The following NUP210 variants were observed in gnomAD, a reference collection of about 807,000 sequenced individuals.
NUP210 encodes nucleoporin 210.
In NUP210, 151 loss-of-function variants were observed where a neutral mutation model predicts 196.0. That is an observed-to-expected ratio of 0.77 (90% confidence interval 0.67 to 0.88). The LOEUF is 0.88. Among genes scored for constraint, NUP210 ranks in the 40% least tolerant of loss-of-function variants. The pLI, the probability that NUP210 is intolerant of heterozygous loss-of-function variation, is 0.00. For missense variants in NUP210, 2,314 were observed against 2,493.7 expected (o/e 0.93, Z 1.53); for synonymous variants, 1,070 against 1,052.7 (o/e 1.02, Z -0.32).
At chr3:13,334,758 G>A (rs961722436) in intron 28 of NUP210, among the ~76,000 whole-genome samples, 9 of 152,128 alleles carry the variant, frequency 5.9e-5, no homozygotes, top group East Asian at 1.9e-4. Flanking sequence ...GCAGGAACTC[G>A]CCCACAGCCC....
intron 20 of NUP210, chr3:13,346,992 C>G: frequency 1.0e-6 from 1 of 984,588 alleles, no homozygotes; most frequent in Non-Finnish European, 1.2e-6. Context: ...ACGTGCACCA[C>G]TGTCCACAGA....
intron 16 of NUP210, among the ~76,000 whole-genome samples, chr3:13,355,531 G>A (rs1179682643): frequency 6.6e-6 from 1 of 152,216 alleles, no homozygotes; most frequent in African/African-American, 2.4e-5. Flanking sequence ...ACGGGATGTG[G>A]GCTTGTTTGC....
Position 13,373,787 on chromosome 3 carries a change from G to A in NUP210, c.1518C>T (p.Gly506=). 1 of 1,614,118 alleles carries A rather than the reference G, an allele frequency of 6.2e-7. No individual in the cohort carries two copies. Among genetic ancestry groups the A allele is most frequent in the Admixed American group, 1.7e-5 (1 of 60,018 alleles). The change falls in exon 12 of 40, where the codon GGC becomes GGT. Residue 506 remains glycine (G), a synonymous_variant. Coordinates refer to ENST00000254508, the MANE Select transcript of NUP210 (RefSeq NM_024923.4). ...GGATCACACTGAACCCGATGTCACT[G>A]CCTGTGGTCATCACGCCCTTGACAG... is the stretch of plus-strand genomic sequence containing the variant. ...TVTVKGVMTT[G]SDIGFSVIQA... is the part of the protein sequence containing the mutation.
At chr3:13,361,270 T>C (rs1327756173) in intron 14 of NUP210, among the ~76,000 whole-genome samples, 1 of 152,218 alleles carries the variant, frequency 6.6e-6, no homozygotes, top group Non-Finnish European at 1.5e-5. Flanking sequence ...CAATTCTTTG[T>C]TGAATGAAAG....
At chr3:13,327,546 T>C in intron 31 of NUP210, 109 bp from the exon 32 acceptor site, 1 of 832,936 alleles carries the variant, frequency 1.2e-6, no homozygotes. Context: ...TTCAACTGAC[T>C]GAGGTCCCAG....
chr3:13,397,535 C>T (rs769612108), intron 2 of NUP210, 47 bp from the exon 3 acceptor site: 2 of 1,511,790 alleles, frequency 1.3e-6, no homozygotes, highest in East Asian at 4.9e-5. Context: ...AGTCCCCGCC[C>T]CTGGCTCCAC....
chr3:13,327,368 G>C lies in NUP210; in HGVS notation c.4356C>G (p.Gly1452=), dbSNP rs769360467. ...NTCVVRTVSV[G]LTLLRVWDAE... Reference sequence around the variant, plus strand: ...CGTCCCACACACGGAGCAGTGTCAGGCCCACGCTGACTGTGCGGACAACGC... The same window carrying C: ...CGTCCCACACACGGAGCAGTGTCAGCCCCACGCTGACTGTGCGGACAACGC... Residue 1452 remains glycine (G), a synonymous_variant, in exon 32 of 40, where the codon GGC becomes GGG. Coordinates refer to ENST00000254508, the MANE Select transcript of NUP210 (RefSeq NM_024923.4). 2.9e-5 allele frequency: 46 copies of C among 1,613,358 alleles called. No individual in the cohort carries two copies. The highest frequency in any genetic ancestry group is 3.8e-5 in the Non-Finnish European group (45 of 1,180,010).
At chr3:13,394,434 C>A (rs77884106) in intron 3 of NUP210, among the ~76,000 whole-genome samples, 1 of 152,372 alleles carries the variant, frequency 6.6e-6, no homozygotes, top group African/African-American at 2.4e-5. Flanking sequence ...CTGCAGGTGG[C>A]TTCTGGCCAA....
intron 1 of NUP210, among the ~76,000 whole-genome samples, chr3:13,411,745 CTTAT>C (rs901050405): frequency 5.3e-4 from 81 of 152,196 alleles, no homozygotes; most frequent in African/African-American, 1.9e-3. Context: ...CGTTTATTTA[CTTAT>C]TTATTTATTT....
Position 13,317,774 on chromosome 3 carries a change from A to C in NUP210, c.5571T>G (p.Ala1857=). Residue 1857 remains alanine, a synonymous_variant, in exon 40 of 40, where the codon GCT becomes GCG. Coordinates refer to ENST00000254508, the MANE Select transcript of NUP210 (RefSeq NM_024923.4). ...CATTGGGAGATGTGGGTGATGAGGC[A>C]GCGAAATCTAGGGTGGGAAGAGAGA... ...ASPGHSPHYF[A]ASSPTSPNAL... is the part of the protein sequence containing the mutation. The C allele has an allele frequency of 6.2e-7, 1 of 1,607,702 alleles. No individual in the cohort carries two copies. The highest frequency in any genetic ancestry group is 8.5e-7 in the Non-Finnish European group (1 of 1,176,760).
intron 23 of NUP210, 22 bp downstream of exon 23, chr3:13,341,726 G>A (rs200415051): frequency 5.8e-5 from 94 of 1,612,674 alleles, no homozygotes; most frequent in South Asian, 4.7e-4. Flanking sequence ...ATCCCACATG[G>A]TGTGGGAAGA....
chr3:13,339,715 G>A, intron 25 of NUP210, 139 bp downstream of exon 25: 1 of 741,790 alleles, frequency 1.3e-6, no homozygotes, highest in Non-Finnish European at 2.2e-6. Context: ...CTGCACCAGG[G>A]CCCCTGCAGT....
intron 31 of NUP210, 148 bp downstream of exon 31, chr3:13,328,623 G>C: frequency 1.3e-6 from 1 of 744,276 alleles, no homozygotes; most frequent in Non-Finnish European, 2.3e-6. Flanking sequence ...TCGTGGCCCT[G>C]CATGGTGCAG....
chr3:13,336,464 T>G (rs1697220079), intron 27 of NUP210, among the ~76,000 whole-genome samples: 1 of 152,166 alleles, frequency 6.6e-6, no homozygotes, highest in Non-Finnish European at 1.5e-5. Flanking sequence ...GCCTCTGGGA[T>G]GAACCAGGAG....
intron 28 of NUP210, among the ~76,000 whole-genome samples, chr3:13,334,035 TGGCAGACA>T (rs1697109325): frequency 6.6e-6 from 1 of 152,214 alleles, no homozygotes; most frequent in Admixed American, 6.5e-5. Context: ...GATTTTGCTG[TGGCAGACA>T]CCATATCTTT....
Position 13,397,354 on chromosome 3 carries a change from C to T in NUP210, c.436+3G>A, listed in dbSNP as rs538007467. The T allele has an allele frequency of 6.3e-5, 102 of 1,608,878 alleles. 1 individual carries two copies. The South Asian group carries it at 1.1e-3, about 17-fold the overall frequency. On this transcript the variant is annotated splice_donor_region_variant and intron_variant, in intron 3 of 39. Transcript: ENST00000254508. ...AAGACAAACAGGCAGGGGACGTTCT[C>T]ACCTTCGGAGTCCAGGGCCTGGATC...
rs1699045354 is a variant in NUP210 at position 13,379,790 on chromosome 3, C to G, written c.818-69G>C. 7.3e-7 allele frequency: 1 copy of G among 1,368,716 alleles called. No homozygotes were observed. The allele number at this position is 1,368,716 out of a possible 1,614,324, so 84.8% of individuals were successfully genotyped here. A position where few individuals can be genotyped will look rare whatever the true frequency, so the allele number is the denominator to read the frequency against. On this transcript the variant is annotated intron_variant, in intron 6 of 39. Transcript: ENST00000254508. The surrounding 1 kb of genome is among the most constrained non-coding windows in gnomAD (Gnocchi z 4.2). ...AGACAGGAAATGTTAGAAGCCAATA[C>G]ACTCCCACTGCCACCCCGAATCTCT...
rs764236044 is a variant in NUP210, at chr3:13,420,012, GGCCCAGCCCGGCCCACGGCGCCC to G, written c.167+25_167+47del. The G allele has an allele frequency of 1.8e-6, 2 of 1,120,772 alleles. No homozygotes were observed. The highest frequency in any genetic ancestry group is 5.2e-5 in the East Asian group (1 of 19,086). The allele number at this position is 1,120,772 out of a possible 1,614,324, so 69.4% of individuals were successfully genotyped here. ...CGCCCGCCCAGCCTCTCAGCGCGAAGGCCCAGCCCGGCCCACGGCGCCCGCCCGGCCCGGCCGCGCGCCTCACC... is the reference window on the plus strand; with the variant it reads ...CGCCCGCCCAGCCTCTCAGCGCGAAGGCCCGGCCCGGCCGCGCGCCTCACC... On this transcript the variant is annotated intron_variant, in intron 1 of 39. Transcript: ENST00000254508. This position sits in a 1 kb window ranked among gnomAD's most constrained non-coding sequence, Gnocchi z 4.8.
chr3:13,330,541 C>T lies in NUP210; in HGVS notation c.4029G>A (p.Gly1343=), dbSNP rs780623271. The T allele has an allele frequency of 6.2e-7, 1 of 1,614,260 alleles. No homozygotes were observed. Among genetic ancestry groups the T allele is most frequent in the Middle Eastern group, 1.6e-4 (1 of 6,062 alleles). ...CGATGGTGGATGTCCCGATCATAGA[C>T]CCTGATGCTAGAAAGCCTTTCTCAT... ...HVDEKGFLAS[G]SMIGTSTIEV... Residue 1343 remains glycine (G), a synonymous_variant, in exon 30 of 40, where the codon GGG becomes GGA. Coordinates refer to ENST00000254508, the MANE Select transcript of NUP210 (RefSeq NM_024923.4).
Sources: gnomAD v4.1 joint callset for allele counts (sites outside exome capture counted in the v4.1 genomes callset) on GRCh38, gnomAD v4.1.1 for gene constraint, Gnocchi (gnomAD v3.1) non-coding constraint, MANE v1.5 for transcripts, NCBI Gene and HGNC (gene_info 2026-07-23, HGNC 2026-07-21) for gene names.